XKR4: variants seen among roughly 807,000 people sequenced by gnomAD.
XKR4 encodes XK-related protein 4.
In XKR4, 12 loss-of-function variants were observed where a neutral mutation model predicts 53.9. The observed-to-expected ratio is 0.22, with a 90% confidence interval of 0.14 to 0.36. The LOEUF (loss-of-function observed/expected upper bound fraction) is 0.36, where lower values mean the gene tolerates loss of function less well. XKR4 is among the 10% of genes least tolerant of loss of function. The probability of loss-of-function intolerance (pLI) is 1.00; values close to 1 mark genes in which losing one functional copy is unlikely to be tolerated. For synonymous variants in XKR4, 354 were observed against 362.4 expected (o/e 0.98, Z 0.26); for missense variants, 799 against 859.5 (o/e 0.93, Z 0.88).
At chr8:55,374,910 G>A (rs1804124696) in intron 2 of XKR4, among the ~76,000 whole-genome samples, 3 of 152,212 alleles carry the variant, frequency 2.0e-5, no homozygotes, top group South Asian at 2.1e-4. Context: ...GACATAAACC[G>A]AATGTGACTG....
chr8:55,522,917 T>C (rs1249343401), intron 2 of XKR4, among the ~76,000 whole-genome samples: 5 of 152,084 alleles, frequency 3.3e-5, no homozygotes, highest in Non-Finnish European at 5.9e-5. Context: ...GATACGAGGA[T>C]CCCCATCTGA....
chr8:55,268,537 G>A (rs1261037655), intron 1 of XKR4, among the ~76,000 whole-genome samples: 1 of 152,070 alleles, frequency 6.6e-6, no homozygotes, highest in African/African-American at 2.4e-5. Flanking sequence ...AAATTCAGCA[G>A]ATATTTACTA....
chr8:55,163,570 G>T (rs1157344234), intron 1 of XKR4, among the ~76,000 whole-genome samples: 1 of 152,186 alleles, frequency 6.6e-6, no homozygotes, highest in South Asian at 2.1e-4. Context: ...ATTAGAATGG[G>T]CATGGTGGCT....
intron 1 of XKR4, among the ~76,000 whole-genome samples, chr8:55,147,403 A>T (rs1248046270): frequency 6.6e-6 from 1 of 152,232 alleles, no homozygotes; most frequent in Non-Finnish European, 1.5e-5. Context: ...TAAAGAGAGG[A>T]AAGTCTCTCC....
At chr8:55,196,259 A>G (rs372018548) in intron 1 of XKR4, among the ~76,000 whole-genome samples, 1 of 145,536 alleles carries the variant, frequency 6.9e-6, no homozygotes, top group East Asian at 2.0e-4. Flanking sequence ...TTGGCTAACC[A>G]TAACCTCCAC....
At chr8:55,375,757 G>T (rs987668528) in intron 2 of XKR4, among the ~76,000 whole-genome samples, 1 of 149,658 alleles carries the variant, frequency 6.7e-6, no homozygotes, top group African/African-American at 2.5e-5. Flanking sequence ...CAGGGTACAC[G>T]TGCAGGATGT....
At chr8:55,514,742 C>G (rs1231626268) in intron 2 of XKR4, among the ~76,000 whole-genome samples, 1 of 151,988 alleles carries the variant, frequency 6.6e-6, no homozygotes, top group Non-Finnish European at 1.5e-5. Flanking sequence ...TTACCCTAAA[C>G]AAAAACTTAA....
chr8:55,180,743 G>C (rs1340760861), intron 1 of XKR4, among the ~76,000 whole-genome samples: 1 of 152,158 alleles, frequency 6.6e-6, no homozygotes, highest in Admixed American at 6.5e-5. Flanking sequence ...ATGTTAGCCA[G>C]GCTGGCCTTG....
chr8:55,302,554 G>A (rs1189287288), intron 1 of XKR4, among the ~76,000 whole-genome samples: 1 of 152,092 alleles, frequency 6.6e-6, no homozygotes, highest in Non-Finnish European at 1.5e-5. Context: ...TAGCTTGATG[G>A]GGATGGCATT....
intron 1 of XKR4, among the ~76,000 whole-genome samples, chr8:55,206,051 C>A (rs931385737): frequency 6.6e-6 from 1 of 152,168 alleles, no homozygotes; most frequent in Non-Finnish European, 1.5e-5. Context: ...CCGGTGGGTT[C>A]GTAGTCTCTC....
Position 55,135,572 on chromosome 8 carries a change from G to A in XKR4, c.806+32278G>A, listed in dbSNP as rs114804035. The A allele has an allele frequency of 3.3e-3, 1,499 of 455,938 alleles. 18 individuals carry two copies. The highest frequency in any genetic ancestry group is 0.028 in the African/African-American group (1,406 of 50,188). The allele number at this position is 455,938 out of a possible 1,614,324, so 28.2% of individuals were successfully genotyped here. On this transcript the variant is annotated intron_variant, in intron 1 of 2. Coordinates refer to ENST00000327381, the MANE Select transcript of XKR4 (RefSeq NM_052898.2). ...CAGTCCAACATGTCCATTGCTTTCTGTATTGCTTTCTGCTTTCTCTGTCAT... is the reference window on the plus strand; with the variant it reads ...CAGTCCAACATGTCCATTGCTTTCTATATTGCTTTCTGCTTTCTCTGTCAT...
intron 1 of XKR4, among the ~76,000 whole-genome samples, chr8:55,348,843 T>C (rs921681749): frequency 6.6e-6 from 1 of 151,792 alleles, no homozygotes; most frequent in African/African-American, 2.4e-5. Context: ...TAGACAGATA[T>C]ACAGATAGAG....
chr8:55,531,900 G>A lies in XKR4; in HGVS notation c.*7673G>A, dbSNP rs1014069296. 6.6e-6 allele frequency: 1 copy of A among 152,390 alleles called. No homozygotes were observed. The highest frequency in any genetic ancestry group is 1.5e-5 in the Non-Finnish European group (1 of 68,038). 9.4% of individuals were successfully genotyped at this position (152,390 alleles called of 1,614,324 possible). ...CCAATGCCCAGAAGAGCAGCACTGTGCTGCGTGACAATTTCAGGAGTCAGG... is the reference window on the plus strand; with the variant it reads ...CCAATGCCCAGAAGAGCAGCACTGTACTGCGTGACAATTTCAGGAGTCAGG... On this transcript the variant is annotated 3_prime_UTR_variant, in exon 3 of 3. Transcript: ENST00000327381.
chr8:55,446,899 T>C (rs1274209223), intron 2 of XKR4, among the ~76,000 whole-genome samples: 1 of 152,168 alleles, frequency 6.6e-6, no homozygotes, highest in Non-Finnish European at 1.5e-5. Flanking sequence ...AGAAAAGCAA[T>C]AGTGCCTGCC....
intron 2 of XKR4, among the ~76,000 whole-genome samples, chr8:55,359,213 T>C (rs1803863991): frequency 6.6e-6 from 1 of 152,198 alleles, no homozygotes; most frequent in Non-Finnish European, 1.5e-5. Flanking sequence ...TGGATGACTG[T>C]TTTTCGTTGC....
At chr8:55,198,588 T>A (rs1817534344) in intron 1 of XKR4, among the ~76,000 whole-genome samples, 1 of 152,082 alleles carries the variant, frequency 6.6e-6, no homozygotes, top group Non-Finnish European at 1.5e-5. Flanking sequence ...GGAAATGGAT[T>A]CTTACTTTTG....
chr8:55,156,909 T>C (rs917812427), intron 1 of XKR4, among the ~76,000 whole-genome samples: 2 of 152,196 alleles, frequency 1.3e-5, no homozygotes, highest in African/African-American at 4.8e-5. Context: ...TTGTTAACAA[T>C]TGGATGAAAC....
intron 1 of XKR4, among the ~76,000 whole-genome samples, chr8:55,287,359 T>A (rs918387634): frequency 6.6e-6 from 1 of 152,208 alleles, no homozygotes; most frequent in African/African-American, 2.4e-5. Context: ...AGAAAATCAA[T>A]TTAAATCTAA....
At chr8:55,385,904 T>C (rs902198548) in intron 2 of XKR4, among the ~76,000 whole-genome samples, 2 of 152,216 alleles carry the variant, frequency 1.3e-5, no homozygotes, top group African/African-American at 4.8e-5. Context: ...AAATGTGTTT[T>C]ATGGCTCCTA....
Sources: allele counts gnomAD v4.1 joint callset (sites outside exome capture counted in the v4.1 genomes callset), GRCh38; gene constraint gnomAD v4.1.1; transcripts MANE v1.5; gene names NCBI Gene and HGNC (gene_info 2026-07-23, HGNC 2026-07-21).